PRSS36: variants seen among roughly 807,000 people sequenced by gnomAD.
The protein encoded by PRSS36 is serine protease 36.
Under a neutral mutation model 94.3 loss-of-function variants are expected in PRSS36, and 90 were observed. The ratio of observed to expected loss-of-function variants is 0.95; its 90% confidence interval spans 0.80 to 1.14. The LOEUF (loss-of-function observed/expected upper bound fraction) is 1.14. Among genes scored for constraint, PRSS36 ranks in the 50% most tolerant of loss-of-function variants. The pLI is 0.00. For missense variants in PRSS36, 1,158 were observed against 1,135.0 expected, an observed-to-expected ratio of 1.02 and a Z score of -0.29; for synonymous variants, 500 against 489.6, an observed-to-expected ratio of 1.02 and a Z score of -0.28.
chr16:31,140,290 G>C lies in PRSS36; in HGVS notation c.2289+4C>G, dbSNP rs773077413. On this transcript the variant is annotated splice_donor_region_variant and intron_variant, in intron 14 of 14. Coordinates refer to ENST00000268281, the MANE Select transcript of PRSS36 (RefSeq NM_173502.5). Reference sequence around the variant, plus strand: ...CCTACTCCAGGACGCCCAGGCCCCTGTACCTCACACCTGTTCTCCTGCCCC... The same window carrying C: ...CCTACTCCAGGACGCCCAGGCCCCTCTACCTCACACCTGTTCTCCTGCCCC... 1 of 1,607,970 alleles carries C rather than the reference G, an allele frequency of 6.2e-7. No homozygotes were observed. The highest frequency in any genetic ancestry group is 1.1e-5 in the South Asian group (1 of 90,322).
rs769496243 is a variant in PRSS36, at chr16:31,140,763, G to A, written c.1902-6C>T. ...GCACTGTTGTAGAGCCTGGCCTGTT[G>A]GAACAAGGTCCAATGTCACCTTCTG... On this transcript the variant is annotated splice_polypyrimidine_tract_variant and splice_region_variant and intron_variant, in intron 12 of 14. Coordinates refer to ENST00000268281, the MANE Select transcript of PRSS36 (RefSeq NM_173502.5). 1.2e-6 allele frequency: 2 copies of A among 1,613,450 alleles called. No homozygotes were observed. The highest frequency in any genetic ancestry group is 2.2e-5 in the South Asian group (2 of 91,030).
At position 31,142,569 on chromosome 16, in the gene PRSS36, C is replaced by T; in HGVS notation, c.1433G>A (p.Arg478His). ...GGWWCHCLYG[R>H]QGAAVPLPGD... Reference sequence around the variant, plus strand: ...GGGCAGCGGTACTGCCGCCCCCTGGCGGCCGTACAGGCAGTGGCACCACCA... The same window carrying T: ...GGGCAGCGGTACTGCCGCCCCCTGGTGGCCGTACAGGCAGTGGCACCACCA... Residue 478 changes from arginine to histidine, a missense_variant, in exon 10 of 15, where the codon CGC becomes CAC. By Grantham distance (29) the Arg-to-His change is conservative. Transcript: ENST00000268281. 6.6e-7 allele frequency: 1 copy of T among 1,525,522 alleles called. No homozygotes were observed. The highest frequency in any genetic ancestry group is 8.8e-7 in the Non-Finnish European group (1 of 1,140,636). 94.5% of individuals were successfully genotyped at this position (1,525,522 alleles called of 1,614,324 possible). A position where few individuals can be genotyped will look rare whatever the true frequency, so the allele number is the denominator to read the frequency against.
rs1596864396 is a variant in PRSS36, at chr16:31,149,001, A to T, written c.272+72T>A. ...TCCTTGAGGACGGAAGTGGGGCGGG[A>T]GGAGGGGACCAACTGCGGGGGCGGG... On this transcript the variant is annotated intron_variant, in intron 4 of 14. Coordinates refer to ENST00000268281, the MANE Select transcript of PRSS36 (RefSeq NM_173502.5). The T allele has an allele frequency of 1.2e-5, 16 of 1,347,188 alleles. No individual in the cohort carries two copies. In the East Asian group the frequency reaches 4.1e-4, roughly 34 times the overall value. The allele number at this position is 1,347,188 out of a possible 1,614,324, so 83.5% of individuals were successfully genotyped here.
Position 31,142,473 on chromosome 16 carries a change from C to G in PRSS36, c.1521+8G>C. On this transcript the variant is annotated splice_region_variant and intron_variant, in intron 10 of 14. Transcript: ENST00000268281. ...CCGCGTTCCGCGGGCCCCGCCCCCG[C>G]CGCTTACCCAGCAGCTGCCCACCTC... 6.9e-7 allele frequency: 1 copy of G among 1,450,552 alleles called. No homozygotes were observed. Among genetic ancestry groups the G allele is most frequent in the Non-Finnish European group, 9.1e-7 (1 of 1,103,738 alleles). The allele number at this position is 1,450,552 out of a possible 1,614,324, so 89.9% of individuals were successfully genotyped here.
At chr16:31,149,320 T>A in intron 3 of PRSS36, 85 bp from the exon 4 acceptor site, 1 of 1,509,568 alleles carries the variant, frequency 6.6e-7, no homozygotes, top group Non-Finnish European at 8.9e-7. Context: ...AGGCCCGTCC[T>A]CCACCCACTT....
chr16:31,148,725 C>T, intron 4 of PRSS36, 50 bp from the exon 5 acceptor site: 1 of 1,600,642 alleles, frequency 6.2e-7, no homozygotes, highest in African/African-American at 1.3e-5. Context: ...ATGGAGGGGG[C>T]AGACCCTCGT....
intron 5 of PRSS36, among the ~76,000 whole-genome samples, chr16:31,148,029 A>T (rs1272486076): frequency 6.6e-6 from 1 of 152,134 alleles, no homozygotes; most frequent in Non-Finnish European, 1.5e-5. Context: ...TGAAGTGGGT[A>T]TGGCTATTTT....
chr16:31,145,239 G>A (rs2057778959), intron 6 of PRSS36, among the ~76,000 whole-genome samples: 1 of 151,420 alleles, frequency 6.6e-6, no homozygotes, highest in African/African-American at 2.4e-5. Context: ...TGGGCGTCGT[G>A]GCGGGCATCT....
Position 31,141,741 on chromosome 16 carries a change from G to A in PRSS36, c.1741C>T (p.Pro581Ser), listed in dbSNP as rs1299806267. 4 of 1,613,530 alleles carry A rather than the reference G, an allele frequency of 2.5e-6. No individual in the cohort carries two copies. The African/African-American group carries it at 4.0e-5, about 16-fold the overall frequency. The change falls in exon 11 of 15, where the codon CCA (proline) becomes TCA (serine). Residue 581 changes from proline to serine, a missense_variant. By Grantham distance (74) the Pro-to-Ser change is moderately conservative (BLOSUM62 -1). Coordinates refer to ENST00000268281, the MANE Select transcript of PRSS36 (RefSeq NM_173502.5). The stretch of plus-strand genomic sequence containing the variant: ...TGCTCACCACCATGCTCTGTGTGTG[G>A]GGGACAAGTCTGTGTCTCAGTCTCC... ...GEETETQTCP[P>S]HTEHGACGLR...
chr16:31,140,242 A>T, intron 14 of PRSS36, 52 bp downstream of exon 14: 1 of 1,549,124 alleles, frequency 6.5e-7, no homozygotes, highest in Non-Finnish European at 8.7e-7. Flanking sequence ...AGGGTACAGT[A>T]GTCCAACACT....
Position 31,143,391 on chromosome 16 carries a change from C to T in PRSS36, c.1051G>A (p.Ala351Thr), listed in dbSNP as rs757821586. ...AAGACCCAGCTTTCAGACACCAGCG[C>T]CCCATGGCAGGGTCTGGATCCTGGC... ...MVPGSRPCHG[A>T]LVSESWVLAP... is the part of the protein sequence containing the mutation. The change falls in exon 8 of 15, where the codon GCG (alanine) becomes ACG (threonine). Residue 351 changes from alanine (A) to threonine (T), a missense_variant. Transcript: ENST00000268281. 9 of 1,612,728 alleles carry T rather than the reference C, an allele frequency of 5.6e-6. No individual in the cohort carries two copies. The highest frequency in any genetic ancestry group is 5.1e-6 in the Non-Finnish European group (6 of 1,179,574).
rs1176498335 is a variant in PRSS36 at position 31,149,450 on chromosome 16, G to C, written c.109+13C>G. On this transcript the variant is annotated intron_variant, in intron 3 of 14. Coordinates refer to ENST00000268281, the MANE Select transcript of PRSS36 (RefSeq NM_173502.5). ...TCCTTTAAGGTCTGAGGGTGCCAAG[G>C]CCTCTTCCTTACCCAGATCTTCAGG... 9 of 1,613,880 alleles carry C rather than the reference G, an allele frequency of 5.6e-6. No homozygotes were observed. Among genetic ancestry groups the C allele is most frequent in the African/African-American group, 1.3e-5 (1 of 74,904 alleles).
intron 14 of PRSS36, among the ~76,000 whole-genome samples, chr16:31,139,960 C>T (rs985346364): frequency 1.6e-4 from 24 of 150,664 alleles, no homozygotes; most frequent in African/African-American, 5.6e-4. Flanking sequence ...TTTGGGAGGC[C>T]GAGGCCGGCG....
chr16:31,145,806 G>A lies in PRSS36; in HGVS notation c.703C>T (p.Arg235Cys), dbSNP rs553867774. ...GMLCAGYPEG[R>C]RDTCQGDSGG... ...TCCCTCACCTGGCAGGTGTCCCTGCGGCCCTCTGGGTAGCCAGCACACAGC... is the reference window on the plus strand; with the variant it reads ...TCCCTCACCTGGCAGGTGTCCCTGCAGCCCTCTGGGTAGCCAGCACACAGC... Residue 235 changes from arginine to cysteine, a missense_variant, in exon 6 of 15, where the codon CGC (arginine) becomes TGC (cysteine). Coordinates refer to ENST00000268281, the MANE Select transcript of PRSS36 (RefSeq NM_173502.5). 25 of 1,613,478 alleles carry A rather than the reference G, an allele frequency of 1.5e-5. No individual in the cohort carries two copies. The highest frequency in any genetic ancestry group is 2.2e-5 in the East Asian group (1 of 44,888).
chr16:31,149,621 C>T, intron 2 of PRSS36, 75 bp downstream of exon 2: 4 of 1,609,126 alleles, frequency 2.5e-6, no homozygotes, highest in South Asian at 2.2e-5. Flanking sequence ...TTCAGCAACC[C>T]CTGCCAGCAC....
chr16:31,143,827 C>T lies in PRSS36; in HGVS notation c.731G>A (p.Gly244Glu), dbSNP rs772740033. The part of the protein sequence containing the change: ...GRRDTCQGDS[G>E]GPLVCEEGGR... ...GCCTTCCTCACAGACCAGGGGCCCC[C>T]CAGAGTCACCCTAGTGGCAGATGAC... Residue 244 changes from glycine to glutamate, a missense_variant, in exon 7 of 15, where the codon GGG becomes GAG. By Grantham distance (98) the Gly-to-Glu change is moderately conservative. Coordinates refer to ENST00000268281, the MANE Select transcript of PRSS36 (RefSeq NM_173502.5). 6.2e-7 allele frequency: 1 copy of T among 1,613,402 alleles called. No homozygotes were observed. The highest frequency in any genetic ancestry group is 8.5e-7 in the Non-Finnish European group (1 of 1,180,002).
At chr16:31,147,766 T>C (rs2057819122) in intron 5 of PRSS36, among the ~76,000 whole-genome samples, 1 of 151,932 alleles carries the variant, frequency 6.6e-6, no homozygotes, top group African/African-American at 2.4e-5. Context: ...GAATGAATGA[T>C]GGTGGGTAGG....
intron 8 of PRSS36, 75 bp downstream of exon 8, chr16:31,143,267 G>A: frequency 1.3e-6 from 2 of 1,521,762 alleles, no homozygotes; most frequent in South Asian, 2.6e-5. Flanking sequence ...CTGGGGAGGG[G>A]CTGGGGCCGA....
rs1289761781 is a variant in PRSS36, at chr16:31,148,498, G to A, written c.450C>T (p.Ser150=). The A allele has an allele frequency of 6.3e-7, 1 of 1,578,586 alleles. No individual in the cohort carries two copies. The stretch of plus-strand genomic sequence containing the variant: ...AGACAGGCCACACGGCGGGGCCCAG[G>A]CTGGCGGGTGAGGCCAGGCGCAGCA... ...LALLRLASPA[S]LGPAVWPVCL... Residue 150 remains serine (S), a synonymous_variant, in exon 5 of 15, where the codon AGC becomes AGT. Coordinates refer to ENST00000268281, the MANE Select transcript of PRSS36 (RefSeq NM_173502.5).
Sources: gnomAD v4.1 joint callset for allele counts (sites outside exome capture counted in the v4.1 genomes callset) on GRCh38, gnomAD v4.1.1 for gene constraint, MANE v1.5 for transcripts, NCBI Gene and HGNC (gene_info 2026-07-23, HGNC 2026-07-21) for gene names.